TMEM117: variants seen among roughly 807,000 people sequenced by gnomAD.
TMEM117 encodes the protein transmembrane protein 117.
TMEM117 carries 27 observed loss-of-function variants against 52.4 expected under a neutral mutation model. The ratio of observed to expected loss-of-function variants is 0.51; its 90% CI spans 0.38 to 0.71. TMEM117 has a LOEUF of 0.71. TMEM117 is among the 30% of genes least tolerant of loss of function. The pLI is 0.00. For missense variants in TMEM117, 556 were observed against 630.5 expected (o/e 0.88, Z 1.26); for synonymous variants, 215 against 206.3 (o/e 1.04, Z -0.36).
At chr12:44,284,172 G>A (rs545611404) in intron 5 of TMEM117, among the ~76,000 whole-genome samples, 2 of 152,230 alleles carry the variant, frequency 1.3e-5, no homozygotes, top group African/African-American at 4.8e-5. Context: ...AATTAGCTGG[G>A]CATGGTGGCG....
intron 3 of TMEM117, among the ~76,000 whole-genome samples, chr12:44,093,516 A>G (rs1192067257): frequency 2.0e-5 from 3 of 152,162 alleles, no homozygotes; most frequent in Non-Finnish European, 4.4e-5. Flanking sequence ...ACAGTTTTGT[A>G]TTAGACCAAT....
chr12:43,800,052 T>C, the TMEM117 span, among the ~76,000 whole-genome samples: 2 of 152,132 alleles, frequency 1.3e-5, no homozygotes, highest in Admixed American at 1.3e-4. Flanking sequence ...GAAGAAGCAA[T>C]ATATTCCCAT....
chr12:43,999,609 G>T (rs1592427784), intron 3 of TMEM117, among the ~76,000 whole-genome samples: 1 of 151,934 alleles, frequency 6.6e-6, no homozygotes, highest in South Asian at 2.1e-4. Flanking sequence ...TCCCAAGTAG[G>T]TGGGACTACA....
intron 2 of TMEM117, among the ~76,000 whole-genome samples, chr12:43,905,158 A>T (rs4768536): frequency 0.72 from 108,107 of 150,256 alleles, 41,606 homozygotes; most frequent in East Asian, 0.86. Flanking sequence ...AAAAAAAAAA[A>T]TGTTTTTGAG....
At chr12:44,098,434 C>T (rs1210587942) in intron 3 of TMEM117, among the ~76,000 whole-genome samples, 3 of 151,912 alleles carry the variant, frequency 2.0e-5, no homozygotes. Context: ...TTTTCTGAGA[C>T]CATGCTAACT....
chr12:44,203,687 G>C (rs1313952311), intron 4 of TMEM117, among the ~76,000 whole-genome samples: 1 of 152,170 alleles, frequency 6.6e-6, no homozygotes, highest in South Asian at 2.1e-4. Context: ...TTTTATTTGT[G>C]CCTTAATTTC....
chr12:44,390,199 G>C (rs963213930), downstream of TMEM117, among the ~76,000 whole-genome samples: 18 of 143,690 alleles, frequency 1.3e-4, no homozygotes, highest in South Asian at 3.8e-3. Flanking sequence ...AAACATATCT[G>C]ACACACACAC....
intron 5 of TMEM117, among the ~76,000 whole-genome samples, chr12:44,264,347 A>C (rs968659815): frequency 6.6e-6 from 1 of 152,098 alleles, no homozygotes; most frequent in Non-Finnish European, 1.5e-5. Flanking sequence ...ACCAAGCACA[A>C]ATGTGAATGT....
At chr12:44,066,363 G>A (rs1947221375) in intron 3 of TMEM117, among the ~76,000 whole-genome samples, 1 of 152,180 alleles carries the variant, frequency 6.6e-6, no homozygotes, top group Non-Finnish European at 1.5e-5. Context: ...TTGTAGAGTT[G>A]TTGAATTTCC....
chr12:44,361,862 A>G (rs754976838), intron 6 of TMEM117, among the ~76,000 whole-genome samples: 1 of 152,112 alleles, frequency 6.6e-6, no homozygotes, highest in African/African-American at 2.4e-5. Flanking sequence ...GAGAAGTACT[A>G]AGGTCTATTT....
chr12:44,022,148 G>C (rs991508714), intron 3 of TMEM117, among the ~76,000 whole-genome samples: 1 of 152,152 alleles, frequency 6.6e-6, no homozygotes, highest in South Asian at 2.1e-4. Context: ...ACATTATTTA[G>C]TGAAACACTA....
the TMEM117 span, among the ~76,000 whole-genome samples, chr12:43,829,356 TGAGTACCC>T: frequency 6.6e-6 from 1 of 152,372 alleles, no homozygotes; most frequent in Non-Finnish European, 1.5e-5. Flanking sequence ...ATTTAGATGA[TGAGTACCC>T]TAAGGAAATA....
chr12:44,332,464 T>G (rs1438576205), intron 6 of TMEM117, among the ~76,000 whole-genome samples: 1 of 152,060 alleles, frequency 6.6e-6, no homozygotes, highest in Non-Finnish European at 1.5e-5. Context: ...TTTGAATATT[T>G]TATAATAATA....
At chr12:44,387,767 C>T (rs903841095) in intron 7 of TMEM117, among the ~76,000 whole-genome samples, 2 of 152,082 alleles carry the variant, frequency 1.3e-5, no homozygotes, top group African/African-American at 4.8e-5. Context: ...AACAAGGAGA[C>T]TTAATCTTGT....
chr12:44,289,527 A>G (rs191234594), intron 5 of TMEM117, among the ~76,000 whole-genome samples: 6,916 of 149,910 alleles, frequency 0.046, 335 homozygotes, highest in African/African-American at 0.12. Context: ...AATGTAAAAG[A>G]GATCTGTTTT....
intron 4 of TMEM117, among the ~76,000 whole-genome samples, chr12:44,201,467 G>A (rs12306873): frequency 0.02 from 2,975 of 152,190 alleles, 56 homozygotes; most frequent in South Asian, 0.052. Flanking sequence ...AGACTGAACA[G>A]AACAAAGGAA....
rs569770085 is a variant in TMEM117 at position 44,162,431 on chromosome 12, C to A, written c.510+18807C>A. ...TTGGACAAAGTAACTCATCTCTGAT[C>A]TTTTCCAGTAAAACTACTCCCTCAT... On this transcript the variant is annotated intron_variant, in intron 4 of 7. Coordinates refer to ENST00000266534, the MANE Select transcript of TMEM117 (RefSeq NM_032256.3). 2.1e-3 allele frequency among the ~76,000 whole-genome samples: 327 copies of A among 152,304 alleles called. 3 individuals carry two copies. Among genetic ancestry groups the A allele is most frequent in the African/African-American group, 7.6e-3 (318 of 41,576 alleles).
intron 2 of TMEM117, among the ~76,000 whole-genome samples, chr12:43,883,252 G>A (rs1943929835): frequency 6.6e-6 from 1 of 152,084 alleles, no homozygotes; most frequent in African/African-American, 2.4e-5. Flanking sequence ...AGTTATTTTG[G>A]AGACATGCAT....
At chr12:44,059,113 T>C (rs1947100758) in intron 3 of TMEM117, among the ~76,000 whole-genome samples, 1 of 152,214 alleles carries the variant, frequency 6.6e-6, no homozygotes, top group Non-Finnish European at 1.5e-5. Flanking sequence ...ATGCCACTGC[T>C]GATCTGACAG....
Sources: allele counts gnomAD v4.1 joint callset (sites outside exome capture counted in the v4.1 genomes callset), GRCh38; gene constraint gnomAD v4.1.1; transcripts MANE v1.5; gene names NCBI Gene and HGNC (gene_info 2026-07-23, HGNC 2026-07-21).